Variants in NTRK3 observed in about 807,000 individuals in gnomAD.
NTRK3 encodes the protein neurotrophic receptor tyrosine kinase 3, also known as NT-3 growth factor receptor.
In NTRK3, 24 loss-of-function variants were observed where a neutral mutation model predicts 91.7. That is an observed-to-expected ratio of 0.26 (90% CI 0.19 to 0.37). NTRK3 has a LOEUF of 0.37. Ranked by LOEUF, NTRK3 falls within the 10% of genes least tolerant of loss-of-function variation. The probability of loss-of-function intolerance (pLI) is 1.00; values close to 1 mark genes in which losing one functional copy is unlikely to be tolerated. For missense variants in NTRK3, 880 were observed against 1,068.9 expected (o/e 0.82, Z 2.46); for synonymous variants, 483 against 404.0 (o/e 1.20, Z -2.34).
At chr15:87,863,956 A>AC (rs529692138) in exon 19 of NTRK3, 1 of 227,004 alleles carries the variant, frequency 4.4e-6, no homozygotes, top group Admixed American at 6.0e-5. Context: ...TCTGCCTTTA[A>AC]CCCCCCACCA....
At chr15:87,909,437 G>A (rs192179617) in intron 17 of NTRK3, among the ~76,000 whole-genome samples, 177 of 152,302 alleles carry the variant, frequency 1.2e-3, no homozygotes, top group Non-Finnish European at 2.0e-3. Flanking sequence ...TGGAGGAGAG[G>A]CAGATTCATG....
chr15:88,068,783 G>A (rs1049140802), intron 13 of NTRK3, among the ~76,000 whole-genome samples: 1 of 152,138 alleles, frequency 6.6e-6, no homozygotes, highest in African/African-American at 2.4e-5. Flanking sequence ...GAAGGGCAAG[G>A]AGGGAGCAGA....
chr15:87,896,923 C>T (rs1022134835), intron 17 of NTRK3, among the ~76,000 whole-genome samples: 3 of 152,116 alleles, frequency 2.0e-5, no homozygotes, highest in Non-Finnish European at 4.4e-5. Flanking sequence ...ATCTCAGCCC[C>T]GGGTCTAGTA....
At chr15:88,170,336 G>T (rs752653443) in intron 5 of NTRK3, among the ~76,000 whole-genome samples, 23 of 152,188 alleles carry the variant, frequency 1.5e-4, no homozygotes, top group Non-Finnish European at 1.6e-4. Context: ...CTGAGACCAG[G>T]TTGCATTTTT....
intron 14 of NTRK3, among the ~76,000 whole-genome samples, chr15:87,948,445 T>C (rs2070780598): frequency 6.6e-6 from 1 of 152,318 alleles, no homozygotes; most frequent in South Asian, 2.1e-4. Flanking sequence ...CCCAGCACTT[T>C]GGGAGGCCGA....
intron 14 of NTRK3, among the ~76,000 whole-genome samples, chr15:88,028,024 A>C (rs1296559972): frequency 6.6e-6 from 1 of 152,138 alleles, no homozygotes; most frequent in Non-Finnish European, 1.5e-5. Context: ...AGGGTGTGGA[A>C]GGAAAGGAGA....
intron 3 of NTRK3, among the ~76,000 whole-genome samples, chr15:88,204,053 C>T (rs1162598758): frequency 1.3e-5 from 2 of 152,118 alleles, no homozygotes; most frequent in Non-Finnish European, 2.9e-5. Context: ...GCCAACAGGC[C>T]CCAGTGTGTG....
chr15:88,077,380 C>G (rs909475179), intron 13 of NTRK3, among the ~76,000 whole-genome samples: 1 of 152,084 alleles, frequency 6.6e-6, no homozygotes, highest in African/African-American at 2.4e-5. Flanking sequence ...TCTCAAAAAC[C>G]CTTACGTAGC....
chr15:88,050,944 G>A (rs1363534699), intron 13 of NTRK3, among the ~76,000 whole-genome samples: 1 of 152,126 alleles, frequency 6.6e-6, no homozygotes, highest in Non-Finnish European at 1.5e-5. Context: ...AATATGATAA[G>A]AGAGCATATA....
intron 3 of NTRK3, among the ~76,000 whole-genome samples, chr15:88,184,516 T>C (rs1180141270): frequency 1.3e-5 from 2 of 152,236 alleles, no homozygotes; most frequent in Non-Finnish European, 2.9e-5. Context: ...ACTGGATTCA[T>C]TGGATCCAAG....
At chr15:88,091,209 G>A (rs1050163835) in intron 13 of NTRK3, among the ~76,000 whole-genome samples, 4 of 152,138 alleles carry the variant, frequency 2.6e-5, no homozygotes, top group African/African-American at 7.2e-5. Flanking sequence ...TTTTGTTAAC[G>A]GATGCCAAAA....
chr15:87,895,562 C>T (rs1316731178), intron 17 of NTRK3, among the ~76,000 whole-genome samples: 3 of 152,124 alleles, frequency 2.0e-5, no homozygotes, highest in Admixed American at 6.5e-5. Context: ...TTGAAATTGC[C>T]CTGCAAAGTC....
At chr15:88,180,335 T>G (rs1245391308) in intron 5 of NTRK3, among the ~76,000 whole-genome samples, 1 of 152,238 alleles carries the variant, frequency 6.6e-6, no homozygotes, top group Non-Finnish European at 1.5e-5. Context: ...GGGTTTCCCT[T>G]GATATGTATT....
intron 14 of NTRK3, among the ~76,000 whole-genome samples, chr15:87,947,297 A>G (rs1352773238): frequency 2.0e-5 from 3 of 151,832 alleles, no homozygotes. Flanking sequence ...GTCCTGTGGG[A>G]CTCTAAAGGC....
chr15:87,976,274 G>A (rs377403602), intron 14 of NTRK3, among the ~76,000 whole-genome samples: 1 of 152,276 alleles, frequency 6.6e-6, no homozygotes. Flanking sequence ...ACTCTAGAGA[G>A]CAGGAGCTTC....
chr15:87,880,261 C>G lies in NTRK3; in HGVS notation c.2292+9G>C, dbSNP rs2141465624. 3.7e-6 allele frequency: 6 copies of G among 1,614,072 alleles called. No homozygotes were observed. The highest frequency in any genetic ancestry group is 5.1e-6 in the Non-Finnish European group (6 of 1,180,024). ...CCCCAATCAAGATTCCTACGCACCC[C>G]CTTTTTACCTCCGTGTTTGAGAGTT... On this transcript the variant is annotated intron_variant, in intron 18 of 18. Coordinates refer to ENST00000394480, the Ensembl canonical transcript of NTRK3.
chr15:87,904,684 C>T (rs560186155), intron 17 of NTRK3, among the ~76,000 whole-genome samples: 1 of 152,194 alleles, frequency 6.6e-6, no homozygotes, highest in Non-Finnish European at 1.5e-5. Context: ...GGAATTAAGA[C>T]ATATCTTGTA....
Position 88,077,579 on chromosome 15 carries a change from C to A in NTRK3, c.1397-44534G>T, listed in dbSNP as rs369104555. On this transcript the variant is annotated intron_variant, in intron 13 of 18. Coordinates refer to ENST00000394480, the Ensembl canonical transcript of NTRK3. ...GGTGGTTTATGCCTGAGTCATTTGT[C>A]TGGCTACATTAGACTCCAAGGCCTC... Among the ~76,000 whole-genome samples the A allele has an allele frequency of 2.2e-4, 34 of 152,260 alleles. No homozygotes were observed. The South Asian group carries it at 7.1e-3, about 32-fold the overall frequency.
chr15:88,111,798 A>T (rs1014646620), intron 13 of NTRK3, among the ~76,000 whole-genome samples: 9 of 151,944 alleles, frequency 5.9e-5, no homozygotes, highest in African/African-American at 2.2e-4. Context: ...TGGACTACTG[A>T]TTGTCATAAT....
Sources: allele counts gnomAD v4.1 joint callset (sites outside exome capture counted in the v4.1 genomes callset), GRCh38; gene constraint gnomAD v4.1.1; transcripts MANE v1.5; gene names NCBI Gene and HGNC (gene_info 2026-07-23, HGNC 2026-07-21).